SLC30A2: variants seen among roughly 807,000 people sequenced by gnomAD.
The protein encoded by SLC30A2 is proton-coupled zinc antiporter SLC30A2.
A neutral mutation model predicts 39.6 loss-of-function variants in SLC30A2; 19 were observed. That is an observed-to-expected ratio of 0.48 (90% CI 0.34 to 0.70). SLC30A2 has a LOEUF of 0.70. SLC30A2 is among the 30% of genes least tolerant of loss of function. The pLI is 0.01. For missense variants in SLC30A2, 387 were observed against 479.4 expected (o/e 0.81, Z 1.80); for synonymous variants, 195 against 194.8 (o/e 1.00, Z -0.01).
rs1001254778 is a variant in SLC30A2 at position 26,038,869 on chromosome 1, C to T, written c.*291G>A. On this transcript the variant is annotated 3_prime_UTR_variant, in exon 8 of 8. Transcript: ENST00000374276. ...CCGTGGCTCACCACCTTTGCCCCTG[C>T]GAGTGGTAGAACATTTGCTGAGGAT... is the stretch of plus-strand genomic sequence containing the variant. 1.8e-5 allele frequency: 11 copies of T among 626,350 alleles called. No individual in the cohort carries two copies. The highest frequency in any genetic ancestry group is 5.9e-4 in the Middle Eastern group (1 of 1,700). 38.8% of individuals were successfully genotyped at this position (626,350 alleles called of 1,614,324 possible).
rs754775594 is a variant in SLC30A2 at position 26,039,292 on chromosome 1, G to A, written c.987C>T (p.Asp329=). The A allele has an allele frequency of 5.4e-5, 87 of 1,613,582 alleles. No homozygotes were observed. Among genetic ancestry groups the A allele is most frequent in the Non-Finnish European group, 6.7e-5 (79 of 1,179,702 alleles). ...TGGCTGTCTTCAGCACAGCCTGGGC[G>A]TCTGTATTCTGAGCTGGGGGCCGAG... ...SVHIAIAQNT[D]AQAVLKTASS... is the part of the protein sequence containing the mutation. The change falls in exon 8 of 8, where the codon GAC becomes GAT. Residue 329 remains aspartate (D), a synonymous_variant. Coordinates refer to ENST00000374276, the MANE Select transcript of SLC30A2 (RefSeq NM_001004434.3). This position sits in a 1 kb window ranked among gnomAD's most constrained non-coding sequence, Gnocchi z 4.3.
intron 2 of SLC30A2, 90 bp from the exon 3 acceptor site, chr1:26,044,534 G>T: frequency 7.9e-7 from 1 of 1,270,888 alleles, no homozygotes; most frequent in South Asian, 1.4e-5. Context: ...TCTGGAAGAG[G>T]ACATTCTGGG....
chr1:26,045,067 CT>C lies in SLC30A2; in HGVS notation c.200del (p.Lys67ArgfsTer10). On this transcript the variant is annotated frameshift_variant, in exon 2 of 8. Coordinates refer to ENST00000374276, the MANE Select transcript of SLC30A2 (RefSeq NM_001004434.3). LOFTEE classifies it high-confidence loss of function. ...CATACAGCTGGCGCTGGGCCTTCCCCTTCTTGGGGTCACAGTGACTGTCAGG... is the reference window on the plus strand; with the variant it reads ...CATACAGCTGGCGCTGGGCCTTCCCCTCTTGGGGTCACAGTGACTGTCAGG... ...KGPDSHCDPK[K>X]GKAQRQLYVA... 6.2e-7 allele frequency: 1 copy of C among 1,614,242 alleles called. No individual in the cohort carries two copies. The highest frequency in any genetic ancestry group is 8.5e-7 in the Non-Finnish European group (1 of 1,180,050).
chr1:26,040,006 C>T (rs2050379685), intron 6 of SLC30A2, 95 bp from the exon 7 acceptor site: 1 of 1,433,930 alleles, frequency 7.0e-7, no homozygotes, highest in South Asian at 1.2e-5. Context: ...AGGTGTCATC[C>T]CCTCAAAGAA....
At position 26,039,685 on chromosome 1, in the gene SLC30A2, T is replaced by G. The variant is rs2050376170; in HGVS notation, c.973+92A>C. On this transcript the variant is annotated intron_variant, in intron 7 of 7. Transcript: ENST00000374276. The surrounding 1 kb of genome is among the most constrained non-coding windows in gnomAD (Gnocchi z 4.3). ...GGCTGGGCTTGATGCATGGGCACTG[T>G]GAGCATCTGGGGTCACCTGGACCCG... The G allele has an allele frequency of 1.5e-6, 2 of 1,350,790 alleles. No individual in the cohort carries two copies. The highest frequency in any genetic ancestry group is 1.4e-5 in the African/African-American group (1 of 69,190). The allele number at this position is 1,350,790 out of a possible 1,614,324, so 83.7% of individuals were successfully genotyped here.
rs1479654812 is a variant in SLC30A2 at position 26,038,327 on chromosome 1, C to A, written c.*833G>T. ...CTGGACCGAGTGCAGCCCCACTTGT[C>A]TCCCTTTCCCTCCACCATGTCAGGC... is the stretch of plus-strand genomic sequence containing the variant. On this transcript the variant is annotated 3_prime_UTR_variant, in exon 8 of 8. Coordinates refer to ENST00000374276, the MANE Select transcript of SLC30A2 (RefSeq NM_001004434.3). 2 of 152,302 alleles carry A rather than the reference C, an allele frequency of 1.3e-5. No individual in the cohort carries two copies. The highest frequency in any genetic ancestry group is 4.8e-5 in the African/African-American group (2 of 41,468). 9.4% of individuals were successfully genotyped at this position (152,302 alleles called of 1,614,324 possible). A position where few individuals can be genotyped will look rare whatever the true frequency, so the allele number is the denominator to read the frequency against.
chr1:26,040,923 C>CCCG (rs1553143485), intron 6 of SLC30A2, among the ~76,000 whole-genome samples: 2 of 151,286 alleles, frequency 1.3e-5, no homozygotes, highest in Non-Finnish European at 3.0e-5. Context: ...GAGACCCCCC[C>CCCG]CCCATCTCTA....
Position 26,039,030 on chromosome 1 carries a change from G to T in SLC30A2, c.*130C>A. ...GGAAGAGCTCCATTCCTGGAGTGGG[G>T]CAGAGGTCAGGAGGGGGACCTGGTT... is the stretch of plus-strand genomic sequence containing the variant. On this transcript the variant is annotated 3_prime_UTR_variant, in exon 8 of 8. Transcript: ENST00000374276. This position sits in a 1 kb window ranked among gnomAD's most constrained non-coding sequence, Gnocchi z 4.3. 3 of 1,453,192 alleles carry T rather than the reference G, an allele frequency of 2.1e-6. No homozygotes were observed. Among genetic ancestry groups the T allele is most frequent in the African/African-American group, 2.8e-5 (2 of 70,978 alleles). The allele number at this position is 1,453,192 out of a possible 1,614,324, so 90.0% of individuals were successfully genotyped here.
intron 6 of SLC30A2, among the ~76,000 whole-genome samples, chr1:26,040,136 A>T (rs555739201): frequency 6.6e-6 from 1 of 152,224 alleles, no homozygotes; most frequent in South Asian, 2.1e-4. Flanking sequence ...ACTTATTGTC[A>T]GTTTCTCCCT....
At position 26,038,952 on chromosome 1, in the gene SLC30A2, C is replaced by T. The variant is rs2050368077; in HGVS notation, c.*208G>A. 1 of 1,325,564 alleles carries T rather than the reference C, an allele frequency of 7.5e-7. No individual in the cohort carries two copies. 82.1% of individuals were successfully genotyped at this position (1,325,564 alleles called of 1,614,324 possible). The stretch of plus-strand genomic sequence containing the variant: ...CAGGAGCTGGAAGAGCAGGGTCACA[C>T]TAGCTTTATACCCGCTGAGTCCCCA... On this transcript the variant is annotated 3_prime_UTR_variant, in exon 8 of 8. Coordinates refer to ENST00000374276, the MANE Select transcript of SLC30A2 (RefSeq NM_001004434.3).
chr1:26,045,282 C>A lies in SLC30A2; in HGVS notation c.51-65G>T, dbSNP rs1166271381. 1.2e-5 allele frequency: 16 copies of A among 1,352,894 alleles called. No homozygotes were observed. The South Asian group carries it at 1.9e-4, about 16-fold the overall frequency. 83.8% of individuals were successfully genotyped at this position (1,352,894 alleles called of 1,614,324 possible). A position where few individuals can be genotyped will look rare whatever the true frequency, so the allele number is the denominator to read the frequency against. On this transcript the variant is annotated intron_variant, in intron 1 of 7. Coordinates refer to ENST00000374276, the MANE Select transcript of SLC30A2 (RefSeq NM_001004434.3). ...TGAGGTAAGGAGGGCCGACTCTAGT[C>A]CCATTTCTCTGTGAGGCCTTGTGTC...
In SLC30A2 at chr1:26,038,759, C is replaced by G. The variant is rs941704071; in HGVS notation, c.*401G>C. 5.2e-5 allele frequency: 9 copies of G among 172,976 alleles called. No homozygotes were observed. Among genetic ancestry groups the G allele is most frequent in the African/African-American group, 2.1e-4 (9 of 42,252 alleles). The allele number at this position is 172,976 out of a possible 1,614,324, so 10.7% of individuals were successfully genotyped here. A position where few individuals can be genotyped will look rare whatever the true frequency, so the allele number is the denominator to read the frequency against. ...ATAGGCAGATGGAGGGGCTCAGATT[C>G]ATAAAGGCAAAGGCCAGCCAGGCTG... On this transcript the variant is annotated 3_prime_UTR_variant, in exon 8 of 8. Coordinates refer to ENST00000374276, the MANE Select transcript of SLC30A2 (RefSeq NM_001004434.3).
Position 26,044,304 on chromosome 1 carries a change from T to C in SLC30A2, c.412A>G (p.Arg138Gly). ...GCCAAACCGCGATCCTCACCAGCTC[T>C]CTGCCAGCCAAAGTTCATGGTCTTG... is the stretch of plus-strand genomic sequence containing the variant. ...ATKTMNFGWQ[R>G]AEILGALVSV... is the part of the protein sequence containing the mutation. The change falls in exon 3 of 8, where the codon AGA (arginine) becomes GGA (glycine). Residue 138 changes from arginine (R) to glycine (G), a missense_variant. Arg to Gly is a moderately radical substitution (Grantham distance 125, BLOSUM62 -2). Transcript: ENST00000374276. 6.2e-7 allele frequency: 1 copy of C among 1,613,818 alleles called. No individual in the cohort carries two copies. The highest frequency in any genetic ancestry group is 8.5e-7 in the Non-Finnish European group (1 of 1,179,922).
At chr1:26,045,802 C>CAAATGCGGA (rs1557565159) in intron 1 of SLC30A2, 45 bp downstream of exon 1, 1 of 1,613,134 alleles carries the variant, frequency 6.2e-7, no homozygotes, top group Admixed American at 1.7e-5. Flanking sequence ...GGAGGTGCGT[C>CAAATGCGGA]GGCTGCCGCC....
chr1:26,040,373 T>G (rs927942024), intron 6 of SLC30A2, among the ~76,000 whole-genome samples: 27 of 152,126 alleles, frequency 1.8e-4, no homozygotes, highest in African/African-American at 6.5e-4. Flanking sequence ...CTCAGCCTCC[T>G]GAGTAGCTGG....
intron 4 of SLC30A2, 140 bp from the exon 5 acceptor site, chr1:26,042,848 C>A (rs1056995863): frequency 1.4e-6 from 1 of 722,472 alleles, no homozygotes. Flanking sequence ...GTCCAACCCA[C>A]GTGGCCTTGG....
Position 26,046,113 on chromosome 1 carries a change from C to A in SLC30A2, c.-217G>T. The A allele has an allele frequency of 7.7e-7, 1 of 1,294,456 alleles. No individual in the cohort carries two copies. The highest frequency in any genetic ancestry group is 9.7e-7 in the Non-Finnish European group (1 of 1,026,830). The allele number at this position is 1,294,456 out of a possible 1,614,324, so 80.2% of individuals were successfully genotyped here. A position where few individuals can be genotyped will look rare whatever the true frequency, so the allele number is the denominator to read the frequency against. On this transcript the variant is annotated 5_prime_UTR_variant, in exon 1 of 8. Coordinates refer to ENST00000374276, the MANE Select transcript of SLC30A2 (RefSeq NM_001004434.3). This position sits in a 1 kb window ranked among gnomAD's most constrained non-coding sequence, Gnocchi z 4.4. ...CCGCGTGCCAAGCGCTCCCGTGTCTCGGGTCAGCCGCTGCGCCCCGCGGCC... is the reference window on the plus strand; with the variant it reads ...CCGCGTGCCAAGCGCTCCCGTGTCTAGGGTCAGCCGCTGCGCCCCGCGGCC...
chr1:26,038,959 T>C lies in SLC30A2; in HGVS notation c.*201A>G, dbSNP rs2050368190. 2 of 1,352,246 alleles carry C rather than the reference T, an allele frequency of 1.5e-6. No homozygotes were observed. Among genetic ancestry groups the C allele is most frequent in the Admixed American group, 3.0e-5 (1 of 33,020 alleles). 83.8% of individuals were successfully genotyped at this position (1,352,246 alleles called of 1,614,324 possible). A position where few individuals can be genotyped will look rare whatever the true frequency, so the allele number is the denominator to read the frequency against. On this transcript the variant is annotated 3_prime_UTR_variant, in exon 8 of 8. Coordinates refer to ENST00000374276, the MANE Select transcript of SLC30A2 (RefSeq NM_001004434.3). Reference sequence around the variant, plus strand: ...TGGAAGAGCAGGGTCACACTAGCTTTATACCCGCTGAGTCCCCACCCTGGC... The same window carrying C: ...TGGAAGAGCAGGGTCACACTAGCTTCATACCCGCTGAGTCCCCACCCTGGC...
intron 5 of SLC30A2, 62 bp downstream of exon 5, chr1:26,042,487 G>A (rs985655380): frequency 9.7e-6 from 14 of 1,446,308 alleles, no homozygotes; most frequent in East Asian, 6.9e-5. Context: ...CCCCGGTAGA[G>A]AGTATACTCA....
Sources: gnomAD v4.1 joint callset for allele counts (sites outside exome capture counted in the v4.1 genomes callset) on GRCh38, gnomAD v4.1.1 for gene constraint, Gnocchi (gnomAD v3.1) non-coding constraint, MANE v1.5 for transcripts, NCBI Gene and HGNC (gene_info 2026-07-23, HGNC 2026-07-21) for gene names.